CD200R1L: variants seen among roughly 807,000 people sequenced by gnomAD.
CD200R1L encodes CD200 receptor 1 like, also known as cell surface glycoprotein CD200 receptor 2.
CD200R1L carries 14 observed loss-of-function variants against 24.8 expected under a neutral mutation model. That is an observed-to-expected ratio of 0.56 (90% CI 0.37 to 0.88). The LOEUF (loss-of-function observed/expected upper bound fraction) is 0.88. Among genes scored for constraint, CD200R1L ranks in the 40% least tolerant of loss-of-function variants. The pLI is 0.00. For synonymous variants in CD200R1L, 111 were observed against 109.2 expected, an observed-to-expected ratio of 1.02 and a Z score of -0.11; for missense variants, 299 against 297.8, an observed-to-expected ratio of 1.00 and a Z score of -0.03.
At chr3:112,841,928 G>A (rs929829506) in intron 2 of CD200R1L, among the ~76,000 whole-genome samples, 1 of 152,230 alleles carries the variant, frequency 6.6e-6, no homozygotes, top group Admixed American at 6.5e-5. Context: ...TCAGAACACT[G>A]AGAAGAGTAA....
At chr3:112,820,068 CAG>C (rs1431213849) in intron 6 of CD200R1L, among the ~76,000 whole-genome samples, 173 bp from the exon 7 acceptor site, 1 of 152,154 alleles carries the variant, frequency 6.6e-6, no homozygotes, top group Non-Finnish European at 1.5e-5. Context: ...TCTTTCATGA[CAG>C]AGTTTAGGAA....
rs767327297 is a variant in CD200R1L, at chr3:112,827,635, G to A, written c.99C>T (p.Cys33=). ...TCAAATTTCTTAATGCGATAGGAGG[G>A]CAACAAAGCACAGCATTTATATCCA... is the stretch of plus-strand genomic sequence containing the variant. ...VLMDINAVLC[C]PPIALRNLII... Residue 33 remains cysteine, a synonymous_variant, in exon 5 of 8, where the codon TGC becomes TGT. Transcript: ENST00000488794. 1.2e-6 allele frequency: 2 copies of A among 1,613,852 alleles called. No individual in the cohort carries two copies. The highest frequency in any genetic ancestry group is 4.5e-5 in the East Asian group (2 of 44,874).
At chr3:112,839,942 A>T (rs529143536) in intron 2 of CD200R1L, among the ~76,000 whole-genome samples, 40 of 152,304 alleles carry the variant, frequency 2.6e-4, no homozygotes, top group Non-Finnish European at 4.9e-4. Context: ...ACTAGACTTG[A>T]GTCCCTGCAG....
At chr3:112,823,512 G>A (rs561392515) in intron 6 of CD200R1L, among the ~76,000 whole-genome samples, 2 of 152,278 alleles carry the variant, frequency 1.3e-5, no homozygotes, top group East Asian at 3.9e-4. Flanking sequence ...ACACCTAGGT[G>A]GTGTCCAGAG....
intron 6 of CD200R1L, among the ~76,000 whole-genome samples, chr3:112,824,679 G>A (rs928704584): frequency 2.6e-5 from 4 of 152,202 alleles, no homozygotes; most frequent in Admixed American, 6.5e-5. Context: ...CGAGGAAAAC[G>A]CATCAGAAAG....
At chr3:112,845,623 T>C in intron 2 of CD200R1L, 56 bp downstream of exon 2, 2 of 1,371,032 alleles carry the variant, frequency 1.5e-6, no homozygotes, top group Non-Finnish European at 2.1e-6. Context: ...AGTATCCTCA[T>C]AATCATTGAA....
chr3:112,833,492 T>C (rs780270315), intron 3 of CD200R1L, among the ~76,000 whole-genome samples: 7 of 152,176 alleles, frequency 4.6e-5, no homozygotes, highest in Non-Finnish European at 8.8e-5. Context: ...AGACTGAGCA[T>C]CTAATCATGG....
At chr3:112,846,130 C>T (rs75252809) in intron 1 of CD200R1L, among the ~76,000 whole-genome samples, 180 bp from the exon 2 acceptor site, 7,078 of 152,188 alleles carry the variant, frequency 0.047, 258 homozygotes, top group Middle Eastern at 0.12. Context: ...CCTATATATG[C>T]GCTTATCTAA....
rs1351213746 is a variant in CD200R1L at position 112,815,968 on chromosome 3, G to T, written c.748C>A (p.Leu250Ile). The change falls in exon 8 of 8, where the codon CTT (leucine) becomes ATT (isoleucine). Residue 250 changes from leucine to isoleucine, a missense_variant. Physicochemically the swap from Leu to Ile is conservative, Grantham distance 5. Coordinates refer to ENST00000488794, the MANE Select transcript of CD200R1L (RefSeq NM_001199215.3). ...AGAAGACCCTTCCTTCTTCTTTAAA[G>T]AACTTTTCTGAAAGTATTACACAAG... ...FQRINHVRKV[L>I] The T allele has an allele frequency of 3.8e-6, 3 of 780,254 alleles. No individual in the cohort carries two copies. The highest frequency in any genetic ancestry group is 7.2e-6 in the Non-Finnish European group (3 of 417,742). 48.3% of individuals were successfully genotyped at this position (780,254 alleles called of 1,614,324 possible).
chr3:112,828,654 G>T (rs1421396828), intron 4 of CD200R1L, among the ~76,000 whole-genome samples: 1 of 152,040 alleles, frequency 6.6e-6, no homozygotes, highest in Non-Finnish European at 1.5e-5. Flanking sequence ...CAATTCTCAG[G>T]TGTAAATGTA....
intron 4 of CD200R1L, among the ~76,000 whole-genome samples, chr3:112,828,461 A>G (rs1323116759): frequency 6.6e-6 from 1 of 152,226 alleles, no homozygotes; most frequent in Non-Finnish European, 1.5e-5. Context: ...AGTGTGGCAT[A>G]TAATTTTTAA....
chr3:112,826,969 C>T (rs1279262413), intron 6 of CD200R1L, 24 bp downstream of exon 6: 1 of 1,554,204 alleles, frequency 6.4e-7, no homozygotes, highest in African/African-American at 1.4e-5. Flanking sequence ...CAAGTTTACT[C>T]TTCTACAAGA....
intron 6 of CD200R1L, among the ~76,000 whole-genome samples, chr3:112,823,539 GGT>G (rs1258083189): frequency 6.6e-6 from 1 of 152,080 alleles, no homozygotes; most frequent in Non-Finnish European, 1.5e-5. Context: ...AGAATTAGTT[GGT>G]GTAGGGAAAA....
At chr3:112,838,925 C>A (rs1184539616) in intron 2 of CD200R1L, among the ~76,000 whole-genome samples, 5 of 152,136 alleles carry the variant, frequency 3.3e-5, no homozygotes, top group Non-Finnish European at 5.9e-5. Context: ...AAAAAAAATT[C>A]TCTTTAAGGC....
chr3:112,839,900 C>T (rs1378488584), intron 2 of CD200R1L, among the ~76,000 whole-genome samples: 1 of 152,182 alleles, frequency 6.6e-6, no homozygotes, highest in Non-Finnish European at 1.5e-5. Context: ...TCAGGATCTT[C>T]CCCCTCACTC....
chr3:112,834,149 C>A (rs1187384303), intron 3 of CD200R1L, among the ~76,000 whole-genome samples: 1 of 151,518 alleles, frequency 6.6e-6, no homozygotes, highest in Non-Finnish European at 1.5e-5. Flanking sequence ...TAGGAGGGTG[C>A]TGTGTCCCTA....
rs1207116220 is a variant in CD200R1L at position 112,841,639 on chromosome 3, G to T, written c.-86-3629C>A. ...AGGCTGCCTTTCCCACAGGACTAGGGTGTATCTAATCTACCCTTGTCCACC... is the reference window on the plus strand; with the variant it reads ...AGGCTGCCTTTCCCACAGGACTAGGTTGTATCTAATCTACCCTTGTCCACC... On this transcript the variant is annotated intron_variant, in intron 2 of 7. Transcript: ENST00000488794. Among the ~76,000 whole-genome samples the T allele has an allele frequency of 5.9e-5, 9 of 152,262 alleles. No individual in the cohort carries two copies. In the East Asian group the frequency reaches 1.2e-3, roughly 20 times the overall value.
chr3:112,831,495 TTG>T (rs1187800357), intron 3 of CD200R1L, among the ~76,000 whole-genome samples: 3 of 152,222 alleles, frequency 2.0e-5, no homozygotes, highest in African/African-American at 7.2e-5. Context: ...AATTTACATG[TTG>T]AAGTCCTAAC....
intron 6 of CD200R1L, among the ~76,000 whole-genome samples, chr3:112,823,389 A>C (rs1048057072): frequency 1.3e-5 from 2 of 152,230 alleles, no homozygotes; most frequent in African/African-American, 2.4e-5. Context: ...TTCAGGTGGC[A>C]ATCTGGGACT....
Sources: allele counts gnomAD v4.1 joint callset (sites outside exome capture counted in the v4.1 genomes callset), GRCh38; gene constraint gnomAD v4.1.1; transcripts MANE v1.5; gene names NCBI Gene and HGNC (gene_info 2026-07-23, HGNC 2026-07-21).